Variants in PDE4D observed in about 807,000 individuals in gnomAD.
The protein encoded by PDE4D is phosphodiesterase 4D, also known as 3',5'-cyclic-AMP phosphodiesterase 4D.
In PDE4D, 24 loss-of-function variants were observed where a neutral mutation model predicts 87.4. The observed-to-expected ratio is 0.27, with a 90% confidence interval of 0.20 to 0.39. The LOEUF (loss-of-function observed/expected upper bound fraction) is 0.39, where lower values mean the gene tolerates loss of function less well. PDE4D is among the 10% of genes least tolerant of loss of function. The probability of loss-of-function intolerance (pLI) is 1.00; values close to 1 mark genes in which losing one functional copy is unlikely to be tolerated. For missense variants in PDE4D, 714 were observed against 1,041.0 expected, an observed-to-expected ratio of 0.69 and a Z score of 4.32; for synonymous variants, 384 against 383.2, an observed-to-expected ratio of 1.00 and a Z score of -0.02.
At chr5:60,345,441 TATA>T (rs1206015915) in intron 1 of PDE4D, among the ~76,000 whole-genome samples, 2 of 141,430 alleles carry the variant, frequency 1.4e-5, no homozygotes, top group African/African-American at 2.8e-5. Flanking sequence ...GAACGTAAAG[TATA>T]ATAATAAATA....
At chr5:59,902,619 AC>A (rs1752396998) in intron 3 of PDE4D, among the ~76,000 whole-genome samples, 2 of 152,164 alleles carry the variant, frequency 1.3e-5, no homozygotes, top group African/African-American at 4.8e-5. Context: ...ATGCTCTATA[AC>A]CTACATATGT....
intron 5 of PDE4D, among the ~76,000 whole-genome samples, chr5:59,129,905 A>AG (rs1383279452): frequency 6.6e-6 from 1 of 152,208 alleles, no homozygotes; most frequent in African/African-American, 2.4e-5. Flanking sequence ...AAAGGGTTAG[A>AG]GATGATGTTT....
At chr5:59,891,594 T>C (rs1750963595) in intron 1 of PDE4D, among the ~76,000 whole-genome samples, 2 of 152,180 alleles carry the variant, frequency 1.3e-5, no homozygotes, top group Non-Finnish European at 2.9e-5. Context: ...TTGATCTGAA[T>C]TGAGGTTATT....
chr5:59,080,836 A>G (rs1333896392), intron 5 of PDE4D, among the ~76,000 whole-genome samples: 1 of 152,208 alleles, frequency 6.6e-6, no homozygotes, highest in African/African-American at 2.4e-5. Flanking sequence ...GTTATAATTA[A>G]AGATCTGAAC....
rs560605106 is a variant in PDE4D at position 59,878,869 on chromosome 5, A to G, written c.455+14299T>C. On this transcript the variant is annotated intron_variant, in intron 1 of 14. Transcript: ENST00000340635. ...TTAATTTCTTCCCACTCCATGGTCT[A>G]CATATCTACCGAAGTAAGTTTTTTT... Among the ~76,000 whole-genome samples, 10 of 145,522 alleles carry G rather than the reference A, an allele frequency of 6.9e-5. No individual in the cohort carries two copies. The South Asian group carries it at 2.2e-3, about 32-fold the overall frequency.
chr5:59,356,910 GGCCCTGAGGCCCC>G (rs2153590466), intron 1 of PDE4D: 1 of 1,464,348 alleles, frequency 6.8e-7, no homozygotes, highest in East Asian at 2.6e-5. Context: ...GGGGCTCTGG[GGCCCTGAGGCCCC>G]GCACGGAGCA....
At chr5:60,408,664 C>A (rs968505293) in intron 1 of PDE4D, among the ~76,000 whole-genome samples, 2 of 151,924 alleles carry the variant, frequency 1.3e-5, no homozygotes, top group African/African-American at 2.4e-5. Context: ...AGCTAAATAT[C>A]AAAAAAAGTG....
At chr5:59,741,991 C>T (rs1332724876) in intron 1 of PDE4D, among the ~76,000 whole-genome samples, 2 of 152,100 alleles carry the variant, frequency 1.3e-5, no homozygotes, top group African/African-American at 2.4e-5. Context: ...CCAGAAGGAT[C>T]TTCTATCACC....
chr5:59,726,659 C>A (rs1167274886), intron 1 of PDE4D, among the ~76,000 whole-genome samples: 2 of 152,076 alleles, frequency 1.3e-5, no homozygotes, highest in Non-Finnish European at 2.9e-5. Context: ...GCAGCTGGAG[C>A]TGACTAAAAC....
chr5:59,100,980 C>T (rs1770639178), intron 5 of PDE4D, among the ~76,000 whole-genome samples: 1 of 152,182 alleles, frequency 6.6e-6, no homozygotes, highest in Admixed American at 6.5e-5. Context: ...AGGCTTCTGC[C>T]ACTGCCATGT....
chr5:59,582,988 C>T (rs983001031), intron 1 of PDE4D, among the ~76,000 whole-genome samples: 1 of 152,286 alleles, frequency 6.6e-6, no homozygotes. Context: ...TCCACAGCCT[C>T]TCCTAGCCAG....
chr5:59,181,702 T>G (rs576846539), intron 4 of PDE4D, among the ~76,000 whole-genome samples: 1 of 151,936 alleles, frequency 6.6e-6, no homozygotes, highest in African/African-American at 2.4e-5. Context: ...CAATAAGCCT[T>G]AAGGAAGTAA....
chr5:60,397,797 T>C (rs1433975190), intron 1 of PDE4D, among the ~76,000 whole-genome samples: 2 of 152,214 alleles, frequency 1.3e-5, no homozygotes, highest in South Asian at 4.1e-4. Context: ...TATAATCTCA[T>C]CCTTTGTGCT....
chr5:60,188,446 C>T (rs1177897905), intron 1 of PDE4D: 1 of 152,112 alleles, frequency 6.6e-6, no homozygotes, highest in Non-Finnish European at 1.5e-5. Flanking sequence ...ACCAGTTGCA[C>T]GCAGTCTCAT....
chr5:59,625,912 C>T (rs749355776), intron 1 of PDE4D, among the ~76,000 whole-genome samples: 1 of 152,046 alleles, frequency 6.6e-6, no homozygotes, highest in Non-Finnish European at 1.5e-5. Flanking sequence ...AACCCCGTCT[C>T]TACTAAAAAA....
chr5:59,232,852 G>A (rs1003245559), intron 1 of PDE4D, among the ~76,000 whole-genome samples: 1 of 151,194 alleles, frequency 6.6e-6, no homozygotes, highest in Non-Finnish European at 1.5e-5. Context: ...ACATACAATG[G>A]AATACTATGC....
intron 1 of PDE4D, among the ~76,000 whole-genome samples, chr5:59,469,956 C>T (rs138014407): frequency 9.9e-5 from 15 of 152,208 alleles, no homozygotes; most frequent in African/African-American, 2.2e-4. Flanking sequence ...CTTTTGACCA[C>T]GCCAGAAAGG....
intron 1 of PDE4D, among the ~76,000 whole-genome samples, chr5:60,227,307 G>A (rs1267954444): frequency 6.6e-6 from 1 of 151,932 alleles, no homozygotes; most frequent in African/African-American, 2.4e-5. Context: ...TTTCAGTTGT[G>A]CATAAAATAT....
chr5:58,994,385 C>G (rs1333302110), intron 6 of PDE4D, among the ~76,000 whole-genome samples: 1 of 152,088 alleles, frequency 6.6e-6, no homozygotes, highest in East Asian at 1.9e-4. Flanking sequence ...ATTTCAGAGT[C>G]CTTTGACTCT....
Sources: gnomAD v4.1 joint callset for allele counts (sites outside exome capture counted in the v4.1 genomes callset) on GRCh38, gnomAD v4.1.1 for gene constraint, MANE v1.5 for transcripts, NCBI Gene and HGNC (gene_info 2026-07-23, HGNC 2026-07-21) for gene names.